The following KCNC4 variants were observed in gnomAD, a reference collection of about 807,000 sequenced individuals.
The protein encoded by KCNC4 is voltage-gated potassium channel KCNC4.
A neutral mutation model predicts 42.8 loss-of-function variants in KCNC4; 23 were observed. That is an observed-to-expected ratio of 0.54 (90% confidence interval 0.39 to 0.76). The LOEUF (loss-of-function observed/expected upper bound fraction) is 0.76. Among genes scored for constraint, KCNC4 ranks in the 30% least tolerant of loss-of-function variants. KCNC4 has a pLI of 0.00. For missense variants in KCNC4, 751 were observed against 898.2 expected, an observed-to-expected ratio of 0.84 and a Z score of 2.10; for synonymous variants, 422 against 393.5, an observed-to-expected ratio of 1.07 and a Z score of -0.86.
At chr1:110,254,090 C>T (rs930092665), downstream of KCNC4, among the ~76,000 whole-genome samples, 8 of 109,322 alleles carry the variant, frequency 7.3e-5, no homozygotes, top group Non-Finnish European at 1.0e-4. Flanking sequence ...AGGCAGAAGT[C>T]GGGGGGGGGG....
Position 110,247,272 on chromosome 1 carries a change from G to C in KCNC4, c.*14963G>C, listed in dbSNP as rs974175013. ...AGGCAAGATCTAGCTCTGTCACCGA[G>C]ACTGGAGTGCAATGATACCATCACA... On this transcript the variant is annotated 3_prime_UTR_variant, in exon 4 of 4. Transcript: ENST00000369787. 3.4e-5 allele frequency: 5 copies of C among 148,640 alleles called. No homozygotes were observed. The Admixed American group carries it at 3.4e-4, about 10-fold the overall frequency. 9.2% of individuals were successfully genotyped at this position (148,640 alleles called of 1,614,324 possible). A position where few individuals can be genotyped will look rare whatever the true frequency, so the allele number is the denominator to read the frequency against.
downstream of KCNC4, chr1:110,235,980 G>C (rs80060324): frequency 1.3e-5 from 2 of 152,094 alleles, no homozygotes; most frequent in Non-Finnish European, 2.9e-5. Context: ...GAAATGAGTC[G>C]GCGCCTGTAA....
At chr1:110,245,966 C>T (rs1326053423) in exon 4 of KCNC4, 1 of 152,208 alleles carries the variant, frequency 6.6e-6, no homozygotes, top group Non-Finnish European at 1.5e-5. Flanking sequence ...TGGCCAGCAT[C>T]GTAGGGAATG....
intron 3 of KCNC4, among the ~76,000 whole-genome samples, chr1:110,231,765 CAG>C (rs1160219947): frequency 9.9e-5 from 15 of 152,170 alleles, no homozygotes; most frequent in Non-Finnish European, 1.5e-5. Flanking sequence ...GGATAGTACT[CAG>C]AGGCCCAGAA....
chr1:110,213,411 C>T (rs1657613528), intron 1 of KCNC4, among the ~76,000 whole-genome samples: 1 of 152,120 alleles, frequency 6.6e-6, no homozygotes, highest in South Asian at 2.1e-4. Flanking sequence ...TCAGAGCACC[C>T]TCCCTTTCCC....
downstream of KCNC4, among the ~76,000 whole-genome samples, chr1:110,283,932 T>G (rs1445133435): frequency 6.6e-6 from 1 of 152,216 alleles, no homozygotes; most frequent in African/African-American, 2.4e-5. Flanking sequence ...GAGGCATCAC[T>G]AAATGGAACC....
chr1:110,265,357 TAAAATAAAATAAA>T (rs1477702211), intron 1 of KCNC4, among the ~76,000 whole-genome samples: 1 of 964 alleles, frequency 1.0e-3, no homozygotes, highest in East Asian at 0.045. Context: ...AAAACATAAA[TAAAATAAAATAAA>T]ATAAAATAAA....
At chr1:110,269,464 T>G (rs1659603769) in intron 1 of KCNC4, among the ~76,000 whole-genome samples, 1 of 152,172 alleles carries the variant, frequency 6.6e-6, no homozygotes, top group Non-Finnish European at 1.5e-5. Flanking sequence ...TCAGAGAGAC[T>G]CAGCCATGTT....
chr1:110,257,429 C>G, intron 1 of KCNC4, among the ~76,000 whole-genome samples: 1 of 151,252 alleles, frequency 6.6e-6, no homozygotes, highest in Non-Finnish European at 1.5e-5. Flanking sequence ...AAAAAAAAGT[C>G]CAGGGACCGG....
intron 2 of KCNC4, chr1:110,225,542 A>C: frequency 6.2e-6 from 1 of 162,220 alleles, no homozygotes; most frequent in East Asian, 1.8e-4. Context: ...TTATAGGTTT[A>C]ACCCTTGCCG....
exon 4 of KCNC4, chr1:110,241,670 C>G (rs914106956): frequency 3.9e-5 from 6 of 152,154 alleles, no homozygotes; most frequent in African/African-American, 1.4e-4. Flanking sequence ...CCTTGTGCTC[C>G]CCTCTTACAT....
downstream of KCNC4, among the ~76,000 whole-genome samples, chr1:110,253,903 G>A (rs1340369941): frequency 6.6e-6 from 1 of 152,104 alleles, no homozygotes; most frequent in African/African-American, 2.4e-5. Flanking sequence ...TCTCCTCAGG[G>A]GTTCTTGGGT....
At chr1:110,218,097 C>T (rs1327072632) in intron 1 of KCNC4, among the ~76,000 whole-genome samples, 1 of 152,142 alleles carries the variant, frequency 6.6e-6, no homozygotes, top group African/African-American at 2.4e-5. Flanking sequence ...GTCCATCTGT[C>T]TCCCTGGCCC....
At chr1:110,246,935 T>G (rs1557869619) in exon 4 of KCNC4, 2 of 151,524 alleles carry the variant, frequency 1.3e-5, no homozygotes, top group Non-Finnish European at 3.0e-5. Context: ...TCTCTCCCTC[T>G]GAGTCTCCAT....
exon 4 of KCNC4, chr1:110,242,512 G>A (rs1659051203): frequency 6.6e-6 from 1 of 152,244 alleles, no homozygotes; most frequent in Non-Finnish European, 1.5e-5. Context: ...TGGGAATTAA[G>A]CTTCCCCTGC....
At position 110,223,329 on chromosome 1, in the gene KCNC4, G is replaced by GGTGCGCTTC; in HGVS notation, c.1051_1059dup (p.Phe351_Arg353dup). 1 of 1,614,024 alleles carries GGTGCGCTTC rather than the reference G, an allele frequency of 6.2e-7. No homozygotes were observed. Among genetic ancestry groups the GGTGCGCTTC allele is most frequent in the Non-Finnish European group, 8.5e-7 (1 of 1,179,988 alleles). ...GCGACGTGCTGGGCTTCCTGCGCGT[G>GGTGCGCTTC]GTGCGCTTCGTGCGCATCCTGCGTA... On this transcript the variant is annotated inframe_insertion, in exon 2 of 4. Coordinates refer to ENST00000438661, the MANE Select transcript of KCNC4 (RefSeq NM_001039574.3). The surrounding 1 kb of genome is among the most constrained non-coding windows in gnomAD (Gnocchi z 7.5).
intron 1 of KCNC4, chr1:110,219,849 A>T (rs1370021181): frequency 6.6e-6 from 1 of 152,218 alleles, no homozygotes; most frequent in Non-Finnish European, 1.5e-5. Flanking sequence ...GGAGCAACAT[A>T]GGGCAGAAAG....
intron 1 of KCNC4, chr1:110,256,855 G>T (rs565671728): frequency 1.5e-3 from 230 of 156,692 alleles, no homozygotes; most frequent in Non-Finnish European, 2.7e-3. Context: ...GCAAAGCTTT[G>T]AAATACTCAT....
chr1:110,227,691 A>G (rs1434088487), intron 3 of KCNC4, among the ~76,000 whole-genome samples: 2 of 152,212 alleles, frequency 1.3e-5, no homozygotes, highest in Non-Finnish European at 2.9e-5. Flanking sequence ...GACAGTCTAG[A>G]ACGAGTGGTC....
Sources: allele counts gnomAD v4.1 joint callset (sites outside exome capture counted in the v4.1 genomes callset), GRCh38; gene constraint gnomAD v4.1.1; non-coding constraint Gnocchi (gnomAD v3.1); transcripts MANE v1.5; gene names NCBI Gene and HGNC (gene_info 2026-07-23, HGNC 2026-07-21).